Variants in FSTL4 observed in about 807,000 individuals in gnomAD.
The protein encoded by FSTL4 is follistatin like 4, also known as follistatin-related protein 4.
FSTL4 carries 28 observed loss-of-function variants against 78.2 expected under a neutral mutation model. The ratio of observed to expected loss-of-function variants is 0.36; its 90% CI spans 0.27 to 0.49. FSTL4 has a LOEUF of 0.49. FSTL4 is among the 20% of genes least tolerant of loss of function. FSTL4 has a pLI of 0.98. For missense variants in FSTL4, 922 were observed against 1,084.9 expected (o/e 0.85, Z 2.11); for synonymous variants, 422 against 440.5 (o/e 0.96, Z 0.53).
chr5:133,478,010 C>A (rs1316584807), intron 3 of FSTL4, among the ~76,000 whole-genome samples: 1 of 152,206 alleles, frequency 6.6e-6, no homozygotes, highest in African/African-American at 2.4e-5. Context: ...TTAATGCCAG[C>A]CATACAAGTA....
chr5:133,252,853 C>T (rs10477750), intron 6 of FSTL4, among the ~76,000 whole-genome samples: 89,890 of 151,970 alleles, frequency 0.59, 27,038 homozygotes, highest in East Asian at 0.85. Flanking sequence ...TGTGTCCCTC[C>T]GGTCCTCTGC....
At chr5:133,668,550 A>C in the FSTL4 span, among the ~76,000 whole-genome samples, 1 of 152,218 alleles carries the variant, frequency 6.6e-6, no homozygotes, top group Non-Finnish European at 1.5e-5. Flanking sequence ...CTTGGGGTAT[A>C]TTACAAAAAC....
At chr5:133,246,610 G>A (rs557288031) in intron 7 of FSTL4, 3 of 152,272 alleles carry the variant, frequency 2.0e-5, no homozygotes, top group South Asian at 2.1e-4. Context: ...CCCTCCCTGC[G>A]TGAGTCAAGG....
chr5:133,730,756 A>C, the FSTL4 span, among the ~76,000 whole-genome samples: 1 of 152,226 alleles, frequency 6.6e-6, no homozygotes, highest in African/African-American at 2.4e-5. Flanking sequence ...CTTTGAGATG[A>C]TTTTTAAATT....
chr5:133,260,066 T>C (rs1752481813), intron 6 of FSTL4, among the ~76,000 whole-genome samples: 1 of 152,238 alleles, frequency 6.6e-6, no homozygotes. Context: ...GGCATTCTTG[T>C]TACTAAAAAC....
At chr5:133,309,614 T>C (rs1352968409) in intron 6 of FSTL4, among the ~76,000 whole-genome samples, 4 of 152,062 alleles carry the variant, frequency 2.6e-5, no homozygotes, top group African/African-American at 9.7e-5. Context: ...AGCTGCAGAC[T>C]GTGGCAAGCA....
Position 133,394,558 on chromosome 5 carries a change from C to T in FSTL4, c.409+6180G>A, listed in dbSNP as rs1247253609. ...CAGTGCCGGCCCACCGGGCTGTTCTCGAATTCTCGCCGGGCCTCAGCTGCC... is the reference window on the plus strand; with the variant it reads ...CAGTGCCGGCCCACCGGGCTGTTCTTGAATTCTCGCCGGGCCTCAGCTGCC... On this transcript the variant is annotated intron_variant, in intron 4 of 15. Transcript: ENST00000265342. Among the ~76,000 whole-genome samples, 4 of 152,240 alleles carry T rather than the reference C, an allele frequency of 2.6e-5. No individual in the cohort carries two copies. In the East Asian group the frequency reaches 5.8e-4, roughly 22 times the overall value.
At chr5:133,661,484 C>G in the FSTL4 span, among the ~76,000 whole-genome samples, 1 of 152,138 alleles carries the variant, frequency 6.6e-6, no homozygotes, top group African/African-American at 2.4e-5. Flanking sequence ...GGTAATTGCT[C>G]AGCATTTGTA....
intron 3 of FSTL4, among the ~76,000 whole-genome samples, chr5:133,514,170 C>G (rs1015836323): frequency 7.1e-6 from 1 of 141,330 alleles, no homozygotes; most frequent in African/African-American, 2.7e-5. Context: ...AAGAGCAAGA[C>G]TCCGTCTCAA....
chr5:133,315,643 G>C (rs1753885871), intron 5 of FSTL4, among the ~76,000 whole-genome samples: 1 of 152,178 alleles, frequency 6.6e-6, no homozygotes, highest in African/African-American at 2.4e-5. Context: ...ACCCAACTCA[G>C]GGAGGCTGAT....
intron 3 of FSTL4, among the ~76,000 whole-genome samples, chr5:133,406,707 T>C (rs1193852572): frequency 6.6e-6 from 1 of 152,238 alleles, no homozygotes; most frequent in Non-Finnish European, 1.5e-5. Flanking sequence ...AAAGTGACTA[T>C]TATTTACTGA....
the FSTL4 span, among the ~76,000 whole-genome samples, chr5:133,684,372 A>G: frequency 6.6e-6 from 1 of 152,090 alleles, no homozygotes; most frequent in East Asian, 1.9e-4. Flanking sequence ...AAGTCCACTT[A>G]TTGGTTGCAT....
intron 3 of FSTL4, among the ~76,000 whole-genome samples, chr5:133,565,994 A>G (rs1760018691): frequency 6.6e-6 from 1 of 152,178 alleles, no homozygotes; most frequent in South Asian, 2.1e-4. Flanking sequence ...CCTCCTTCCC[A>G]GCTCCATCAA....
At chr5:133,375,169 T>C (rs565485179) in intron 4 of FSTL4, among the ~76,000 whole-genome samples, 1 of 151,486 alleles carries the variant, frequency 6.6e-6, no homozygotes, top group Admixed American at 6.6e-5. Flanking sequence ...CCTGCAGCAC[T>C]CTTGAGCACC....
At chr5:133,761,787 A>C in the FSTL4 span, among the ~76,000 whole-genome samples, 1 of 152,170 alleles carries the variant, frequency 6.6e-6, no homozygotes. Context: ...CATTTAACCC[A>C]TGGCAAGCTT....
the FSTL4 span, among the ~76,000 whole-genome samples, chr5:133,730,548 C>A: frequency 1.3e-5 from 2 of 152,204 alleles, no homozygotes; most frequent in East Asian, 3.8e-4. Flanking sequence ...CTACACAAGT[C>A]TAGAGAACTC....
At chr5:133,472,648 T>C (rs970201555) in intron 3 of FSTL4, among the ~76,000 whole-genome samples, 2 of 152,230 alleles carry the variant, frequency 1.3e-5, no homozygotes, top group Admixed American at 6.5e-5. Context: ...AATGAAATAC[T>C]AGGACATGAT....
intron 3 of FSTL4, among the ~76,000 whole-genome samples, chr5:133,417,322 T>C (rs1318707882): frequency 6.6e-6 from 1 of 150,874 alleles, no homozygotes; most frequent in African/African-American, 2.5e-5. Flanking sequence ...AAAAGGCCTG[T>C]ACTGAAGCAC....
chr5:133,729,269 C>T, the FSTL4 span, among the ~76,000 whole-genome samples: 23,251 of 151,788 alleles, frequency 0.15, 2,650 homozygotes, highest in African/African-American at 0.32. Context: ...ACTCATACCC[C>T]TGTCCAGGCA....
Sources: allele counts gnomAD v4.1 joint callset (sites outside exome capture counted in the v4.1 genomes callset), GRCh38; gene constraint gnomAD v4.1.1; transcripts MANE v1.5; gene names NCBI Gene and HGNC (gene_info 2026-07-23, HGNC 2026-07-21).